ATP2B4: variants seen among roughly 807,000 people sequenced by gnomAD.
ATP2B4 encodes plasma membrane calcium-transporting ATPase 4.
In ATP2B4, 39 loss-of-function variants were observed where a neutral mutation model predicts 110.3. That is an observed-to-expected ratio of 0.35 (90% confidence interval 0.27 to 0.46). The LOEUF (loss-of-function observed/expected upper bound fraction) is 0.46, where lower values mean the gene tolerates loss of function less well. ATP2B4 is among the 20% of genes least tolerant of loss of function. The pLI is 1.00. For missense variants in ATP2B4, 1,135 were observed against 1,530.9 expected (o/e 0.74, Z 4.32); for synonymous variants, 538 against 571.7 (o/e 0.94, Z 0.84).
chr1:203,661,029 G>A (rs1664323844), intron 1 of ATP2B4, among the ~76,000 whole-genome samples: 1 of 151,806 alleles, frequency 6.6e-6, no homozygotes, highest in Non-Finnish European at 1.5e-5. Flanking sequence ...AGAATTGCTT[G>A]AACCCAGGAA....
At chr1:203,657,796 A>T (rs1004716996) in intron 1 of ATP2B4, 39 of 578,290 alleles carry the variant, frequency 6.7e-5, no homozygotes, top group African/African-American at 6.6e-4. Context: ...GTAGCCCCTG[A>T]GGTGCGAAAA....
At position 203,722,610 on chromosome 1, in the gene ATP2B4, A is replaced by T; in HGVS notation, c.2945A>T (p.His982Leu). The change falls in exon 18 of 21, where the codon CAT becomes CTT. Residue 982 changes from histidine to leucine, a missense_variant. Physicochemically the swap from His to Leu is moderately conservative, Grantham distance 99. Transcript: ENST00000357681. Reference protein sequence around the residue: ...LFNEINSRKIHGEKNVFSGIY... With the variant: ...LFNEINSRKILGEKNVFSGIY... ...AATGAAATCAACTCCCGAAAGATCC[A>T]TGGAGAGAAGAACGTCTTTTCAGGC... 6.2e-7 allele frequency: 1 copy of T among 1,614,196 alleles called. No individual in the cohort carries two copies. The highest frequency in any genetic ancestry group is 8.5e-7 in the Non-Finnish European group (1 of 1,180,030).
intron 1 of ATP2B4, among the ~76,000 whole-genome samples, chr1:203,682,113 C>T (rs887055230): frequency 1.3e-5 from 2 of 152,036 alleles, no homozygotes; most frequent in Non-Finnish European, 2.9e-5. Context: ...AGTACTCTAA[C>T]GGGCTTTGGA....
At chr1:203,678,499 G>C (rs1214655103) in intron 1 of ATP2B4, among the ~76,000 whole-genome samples, 1 of 149,562 alleles carries the variant, frequency 6.7e-6, no homozygotes, top group Non-Finnish European at 1.5e-5. Flanking sequence ...CACCTCCCAG[G>C]CTCAAATGAC....
chr1:203,654,887 G>GAAAA (rs1161772363), intron 1 of ATP2B4, among the ~76,000 whole-genome samples: 2 of 74,726 alleles, frequency 2.7e-5, no homozygotes, highest in African/African-American at 9.9e-5. Flanking sequence ...ACCTCGTCTG[G>GAAAA]AAAAAAAAAA....
chr1:203,732,793 C>T (rs958382923), intron 20 of ATP2B4, among the ~76,000 whole-genome samples: 2 of 146,410 alleles, frequency 1.4e-5, no homozygotes, highest in African/African-American at 2.5e-5. Flanking sequence ...CCAGCCTGGG[C>T]GACAGATTGA....
chr1:203,678,343 A>G (rs1197968483), intron 1 of ATP2B4, among the ~76,000 whole-genome samples: 1 of 147,072 alleles, frequency 6.8e-6, no homozygotes, highest in African/African-American at 2.5e-5. Context: ...TAGTGTTTAC[A>G]CTTTGGTGAC....
rs1271629885 is a variant in ATP2B4, at chr1:203,723,417, G to GAT, written c.3025-461_3025-460dup. ...GTTTTTTTTTTTTTCGTTTGAGACAGATATCTCTCTCTCTCTCTCTCTCTC... is the reference window on the plus strand; with the variant it reads ...GTTTTTTTTTTTTTCGTTTGAGACAGATATATCTCTCTCTCTCTCTCTCTCTC... On this transcript the variant is annotated intron_variant, in intron 18 of 20. Coordinates refer to ENST00000357681, the MANE Select transcript of ATP2B4 (RefSeq NM_001684.5). Among the ~76,000 whole-genome samples, 163 of 67,472 alleles carry GAT rather than the reference G, an allele frequency of 2.4e-3. 4 individuals carry two copies. Among genetic ancestry groups the GAT allele is most frequent in the African/African-American group, 9.0e-3 (158 of 17,464 alleles). 44.3% of individuals were successfully genotyped at this position (67,472 alleles called of 152,430 possible).
intron 13 of ATP2B4, 21 bp from the exon 14 acceptor site, chr1:203,713,144 G>A (rs773495304): frequency 2.3e-5 from 37 of 1,613,898 alleles, no homozygotes; most frequent in Non-Finnish European, 3.1e-5. Flanking sequence ...GACTGATCCA[G>A]GTGTGGTCTG....
intron 6 of ATP2B4, 103 bp from the exon 7 acceptor site, chr1:203,701,941 A>G (rs1195116954): frequency 1.7e-6 from 2 of 1,194,422 alleles, no homozygotes; most frequent in Non-Finnish European, 2.4e-6. Flanking sequence ...CAACCCAAAC[A>G]CTTTGCTGTT....
intron 20 of ATP2B4, chr1:203,728,013 T>C (rs774107330): frequency 5.8e-6 from 2 of 346,178 alleles, no homozygotes; most frequent in Admixed American, 9.0e-5. Context: ...ACTGCCATTA[T>C]AGGAATAGAT....
chr1:203,686,685 C>CTTTTTTCTTTCTT (rs1665194666), intron 2 of ATP2B4, among the ~76,000 whole-genome samples: 1 of 42,776 alleles, frequency 2.3e-5, no homozygotes, highest in Non-Finnish European at 3.8e-5. Context: ...TCTTTTCTTT[C>CTTTTTTCTTTCTT]TTTTTTTTTT....
At chr1:203,671,693 A>G (rs1664667468) in intron 1 of ATP2B4, among the ~76,000 whole-genome samples, 1 of 152,176 alleles carries the variant, frequency 6.6e-6, no homozygotes, top group Non-Finnish European at 1.5e-5. Context: ...TCAGCATCTG[A>G]ACCTTGCATG....
chr1:203,681,562 G>A (rs1468227411), intron 1 of ATP2B4, among the ~76,000 whole-genome samples: 2 of 152,152 alleles, frequency 1.3e-5, no homozygotes, highest in South Asian at 2.1e-4. Context: ...ATGTGTGGCA[G>A]TGACACCTGT....
chr1:203,678,426 C>T (rs1023917774), intron 1 of ATP2B4, among the ~76,000 whole-genome samples: 6 of 141,694 alleles, frequency 4.2e-5, no homozygotes, highest in African/African-American at 1.6e-4. Flanking sequence ...GTCAGGGTCC[C>T]ACTTGGTTTG....
chr1:203,723,450 C>CTG (rs1558052427), intron 18 of ATP2B4, among the ~76,000 whole-genome samples: 3 of 138,532 alleles, frequency 2.2e-5, no homozygotes, highest in Non-Finnish European at 3.1e-5. Context: ...CTCTCTCTCT[C>CTG]TCTCTCTCTC....
intron 1 of ATP2B4, among the ~76,000 whole-genome samples, chr1:203,680,338 C>T (rs533408828): frequency 6.6e-6 from 1 of 152,102 alleles, no homozygotes; most frequent in South Asian, 2.1e-4. Context: ...CGGCTGGGCG[C>T]GGTGGCTCAT....
chr1:203,739,446 T>C (rs1571786106), intron 20 of ATP2B4, 100 bp from the exon 21 acceptor site: 2 of 1,207,988 alleles, frequency 1.7e-6, no homozygotes, highest in South Asian at 1.5e-5. Flanking sequence ...TGTTTTATAG[T>C]CTGGGTTTTG....
At chr1:203,656,658 C>A (rs1192867466) in intron 1 of ATP2B4, among the ~76,000 whole-genome samples, 4 of 152,180 alleles carry the variant, frequency 2.6e-5, no homozygotes, top group Non-Finnish European at 5.9e-5. Context: ...GTGTATTAAC[C>A]TTTTTGAAAG....
Sources: gnomAD v4.1 joint callset for allele counts (sites outside exome capture counted in the v4.1 genomes callset) on GRCh38, gnomAD v4.1.1 for gene constraint, MANE v1.5 for transcripts, NCBI Gene and HGNC (gene_info 2026-07-23, HGNC 2026-07-21) for gene names.